CD58: variants seen among roughly 807,000 people sequenced by gnomAD.
CD58 encodes the protein CD58 molecule.
CD58 carries 14 observed loss-of-function variants against 27.6 expected under a neutral mutation model. That is an observed-to-expected ratio of 0.51 (90% confidence interval 0.34 to 0.79). The LOEUF (loss-of-function observed/expected upper bound fraction) is 0.79. Among genes scored for constraint, CD58 ranks in the 30% least tolerant of loss-of-function variants. CD58 has a pLI of 0.02. For synonymous variants in CD58, 117 were observed against 103.8 expected (o/e 1.13, Z -0.77); for missense variants, 268 against 301.7 (o/e 0.89, Z 0.83).
chr1:116,554,123 T>A (rs543539963), intron 1 of CD58, among the ~76,000 whole-genome samples: 1 of 152,240 alleles, frequency 6.6e-6, no homozygotes, highest in Admixed American at 6.5e-5. Context: ...ATCTGGGTGA[T>A]ATTTATTCAG....
intron 1 of CD58, among the ~76,000 whole-genome samples, chr1:116,545,997 C>T (rs781443929): frequency 6.6e-6 from 1 of 151,994 alleles, no homozygotes; most frequent in Non-Finnish European, 1.5e-5. Context: ...GGTAAAATGG[C>T]GAAACCCCAT....
rs574737383 is a variant in CD58 at position 116,564,252 on chromosome 1, T to A, written c.70+6651A>T. On this transcript the variant is annotated intron_variant, in intron 1 of 5. Transcript: ENST00000369489. ...TCCAGTTCCCAACAATTGTTCCTCA[T>A]CTCCATCTGAGATGAGCAGCATTTG... 2.6e-5 allele frequency among the ~76,000 whole-genome samples: 4 copies of A among 152,184 alleles called. No individual in the cohort carries two copies. The South Asian group carries it at 8.3e-4, about 32-fold the overall frequency.
chr1:116,518,891 G>C (rs1231702346), intron 5 of CD58: 1 of 1,111,456 alleles, frequency 9.0e-7, no homozygotes, highest in Non-Finnish European at 1.1e-6. Context: ...CAAAGACCTA[G>C]ATTTAAATCC....
Position 116,531,073 on chromosome 1 carries a change from A to AT in CD58, c.628+4891dup, listed in dbSNP as rs1657586073. Among the ~76,000 whole-genome samples the AT allele has an allele frequency of 6.6e-6, 1 of 152,318 alleles. No individual in the cohort carries two copies. Among genetic ancestry groups the AT allele is most frequent in the Admixed American group, 6.5e-5 (1 of 15,308 alleles). ...TCACCATTATTTAATAATTAAAAGA[A>AT]TTTTTTCAAATTAATAGTACTTATT... is the stretch of plus-strand genomic sequence containing the variant. On this transcript the variant is annotated intron_variant, in intron 3 of 5. Coordinates refer to ENST00000369489, the MANE Select transcript of CD58 (RefSeq NM_001779.3). The surrounding 1 kb of genome is among the most constrained non-coding windows in gnomAD (Gnocchi z 4.5).
In CD58 at chr1:116,557,220, G is replaced by A. The variant is rs930832039; in HGVS notation, c.71-12616C>T. ...ATTTGACAGTCACCCCAAACCCTGG[G>A]CTTTGTGAAATCCCAAATTGCTGTG... is the stretch of plus-strand genomic sequence containing the variant. On this transcript the variant is annotated intron_variant, in intron 1 of 5. Coordinates refer to ENST00000369489, the MANE Select transcript of CD58 (RefSeq NM_001779.3). This position sits in a 1 kb window ranked among gnomAD's most constrained non-coding sequence, Gnocchi z 5.2. Among the ~76,000 whole-genome samples the A allele has an allele frequency of 2.6e-5, 4 of 152,204 alleles. No individual in the cohort carries two copies. Among genetic ancestry groups the A allele is most frequent in the Non-Finnish European group, 5.9e-5 (4 of 68,032 alleles).
At chr1:116,553,289 T>G (rs1658453735) in intron 1 of CD58, among the ~76,000 whole-genome samples, 1 of 152,178 alleles carries the variant, frequency 6.6e-6, no homozygotes, top group East Asian at 1.9e-4. Context: ...ATACAAAGTT[T>G]CTATATTTTT....
In CD58 at chr1:116,532,203, T is replaced by G. The variant is rs1244805794; in HGVS notation, c.628+3762A>C. Among the ~76,000 whole-genome samples the G allele has an allele frequency of 6.6e-6, 1 of 152,174 alleles. No individual in the cohort carries two copies. The highest frequency in any genetic ancestry group is 6.5e-5 in the Admixed American group (1 of 15,284). The stretch of plus-strand genomic sequence containing the variant: ...CACAGCCCTTGCTCCTGCTAGGAAG[T>G]GGCACATCTTCCTGCTCAGGTCACC... On this transcript the variant is annotated intron_variant, in intron 3 of 5. Transcript: ENST00000369489. The surrounding 1 kb of genome is among the most constrained non-coding windows in gnomAD (Gnocchi z 5.1).
chr1:116,527,291 A>C lies in CD58; in HGVS notation c.629-5308T>G, dbSNP rs1345725682. 6.6e-6 allele frequency among the ~76,000 whole-genome samples: 1 copy of C among 152,234 alleles called. No homozygotes were observed. The highest frequency in any genetic ancestry group is 2.4e-5 in the African/African-American group (1 of 41,450). On this transcript the variant is annotated intron_variant, in intron 3 of 5. Transcript: ENST00000369489. The surrounding 1 kb of genome is among the most constrained non-coding windows in gnomAD (Gnocchi z 4.4). Reference sequence around the variant, plus strand: ...AAAGCTTCAAGTTTCTCACCATTACAGATGATGTTAGCTGCAGGGTTTTTT... The same window carrying C: ...AAAGCTTCAAGTTTCTCACCATTACCGATGATGTTAGCTGCAGGGTTTTTT...
chr1:116,521,786 G>T lies in CD58; in HGVS notation c.706+120C>A. On this transcript the variant is annotated intron_variant, in intron 4 of 5. Coordinates refer to ENST00000369489, the MANE Select transcript of CD58 (RefSeq NM_001779.3). The surrounding 1 kb of genome is among the most constrained non-coding windows in gnomAD (Gnocchi z 5.6). The stretch of plus-strand genomic sequence containing the variant: ...AGTCCCACACACGTAAAGCAAAAAA[G>T]TTTTTGTTTCTTTTCAAATGTCTAA... The T allele has an allele frequency of 1.4e-6, 1 of 700,516 alleles. No individual in the cohort carries two copies. The highest frequency in any genetic ancestry group is 1.6e-5 in the South Asian group (1 of 62,412). The allele number at this position is 700,516 out of a possible 1,614,324, so 43.4% of individuals were successfully genotyped here.
rs181154312 is a variant in CD58, at chr1:116,563,939, A to G, written c.70+6964T>C. Among the ~76,000 whole-genome samples, 120 of 152,354 alleles carry G rather than the reference A, an allele frequency of 7.9e-4. No individual in the cohort carries two copies. The highest frequency in any genetic ancestry group is 2.8e-3 in the African/African-American group (117 of 41,584). On this transcript the variant is annotated intron_variant, in intron 1 of 5. Transcript: ENST00000369489. The surrounding 1 kb of genome is among the most constrained non-coding windows in gnomAD (Gnocchi z 4.1). Reference sequence around the variant, plus strand: ...GCTGGCTTGAATTTTTCCTCAGAAAAGGGGTTTTTCTTTTCTATTGCATCA... The same window carrying G: ...GCTGGCTTGAATTTTTCCTCAGAAAGGGGGTTTTTCTTTTCTATTGCATCA...
intron 1 of CD58, among the ~76,000 whole-genome samples, chr1:116,554,403 A>G (rs1557842502): frequency 6.6e-6 from 1 of 152,158 alleles, no homozygotes; most frequent in Non-Finnish European, 1.5e-5. Context: ...AACAATAAAG[A>G]GGCCAGATGT....
chr1:116,533,777 T>G, intron 3 of CD58: 1 of 722,082 alleles, frequency 1.4e-6, no homozygotes, highest in East Asian at 2.7e-5. Flanking sequence ...AATTCTCTTC[T>G]CTCGTCAAAG....
At chr1:116,567,081 A>T (rs1047032086) in intron 1 of CD58, among the ~76,000 whole-genome samples, 1 of 151,064 alleles carries the variant, frequency 6.6e-6, no homozygotes, top group African/African-American at 2.4e-5. Context: ...TCAAGGCTGC[A>T]GTGAGCCATA....
rs376216429 is a variant in CD58, at chr1:116,544,530, C to G, written c.145G>C (p.Val49Leu). Residue 49 changes from valine to leucine, a missense_variant, in exon 2 of 6, where the codon GTG (valine) becomes CTG (leucine). Transcript: ENST00000369489. Reference sequence around the variant, plus strand: ...TTCCATAGGACCTCTTTTAAAGGCACATTGCTTGGTACATGGAAAGTTACA... The same window carrying G: ...TTCCATAGGACCTCTTTTAAAGGCAGATTGCTTGGTACATGGAAAGTTACA... ...GNVTFHVPSN[V>L]PLKEVLWKKQ... is the part of the protein sequence containing the mutation. 14 of 1,613,462 alleles carry G rather than the reference C, an allele frequency of 8.7e-6. No individual in the cohort carries two copies. The highest frequency in any genetic ancestry group is 1.2e-5 in the Non-Finnish European group (14 of 1,179,488).
In CD58 at chr1:116,515,454, C is replaced by T. The variant is rs1024351646; in HGVS notation, c.744-632G>A. On this transcript the variant is annotated intron_variant, in intron 5 of 5. Transcript: ENST00000369489. This position sits in a 1 kb window ranked among gnomAD's most constrained non-coding sequence, Gnocchi z 4.6. ...TCATGAGAAATTAGTGCTGTGGTCA[C>T]AGGGGTGAGGTAAAGGACAGCAAAC... Among the ~76,000 whole-genome samples the T allele has an allele frequency of 6.6e-6, 1 of 152,208 alleles. No homozygotes were observed. The highest frequency in any genetic ancestry group is 2.4e-5 in the African/African-American group (1 of 41,444).
Position 116,546,353 on chromosome 1 carries a change from ATTTG to A in CD58, c.71-1753_71-1750del, listed in dbSNP as rs909111934. ...TTCAGATAAGAAGCAAATATCACCCATTTGTTTATCTACAAGGACTTTTTAGAAC... is the reference window on the plus strand; with the variant it reads ...TTCAGATAAGAAGCAAATATCACCCATTTATCTACAAGGACTTTTTAGAAC... On this transcript the variant is annotated intron_variant, in intron 1 of 5. Coordinates refer to ENST00000369489, the MANE Select transcript of CD58 (RefSeq NM_001779.3). The surrounding 1 kb of genome is among the most constrained non-coding windows in gnomAD (Gnocchi z 4.1). Among the ~76,000 whole-genome samples the A allele has an allele frequency of 6.6e-5, 10 of 152,198 alleles. No individual in the cohort carries two copies. Among genetic ancestry groups the A allele is most frequent in the African/African-American group, 2.4e-4 (10 of 41,456 alleles).
chr1:116,526,990 G>C (rs898483577), intron 3 of CD58, among the ~76,000 whole-genome samples: 1 of 152,158 alleles, frequency 6.6e-6, no homozygotes, highest in African/African-American at 2.4e-5. Context: ...GTTCATTGCT[G>C]TTATAGAAAA....
In CD58 at chr1:116,540,638, A is replaced by G. The variant is rs187103523; in HGVS notation, c.364+3673T>C. Among the ~76,000 whole-genome samples, 9 of 152,276 alleles carry G rather than the reference A, an allele frequency of 5.9e-5. No homozygotes were observed. In the East Asian group the frequency reaches 1.7e-3, roughly 29 times the overall value. ...CTACAAGCTGATGTCCAGACTCTCA[A>G]ACCAGGACTTTAAGTCCCACACTCA... is the stretch of plus-strand genomic sequence containing the variant. On this transcript the variant is annotated intron_variant, in intron 2 of 5. Coordinates refer to ENST00000369489, the MANE Select transcript of CD58 (RefSeq NM_001779.3).
chr1:116,529,582 T>C (rs1381661455), intron 3 of CD58, among the ~76,000 whole-genome samples: 1 of 152,244 alleles, frequency 6.6e-6, no homozygotes, highest in Admixed American at 6.5e-5. Context: ...TTGCTCTTAA[T>C]AAATGTGTAT....
Sources: allele counts gnomAD v4.1 joint callset (sites outside exome capture counted in the v4.1 genomes callset), GRCh38; gene constraint gnomAD v4.1.1; non-coding constraint Gnocchi (gnomAD v3.1); transcripts MANE v1.5; gene names NCBI Gene and HGNC (gene_info 2026-07-23, HGNC 2026-07-21).